STK32B: variants seen among roughly 807,000 people sequenced by gnomAD.
STK32B encodes the protein serine/threonine-protein kinase 32B.
STK32B carries 43 observed loss-of-function variants against 52.6 expected under a neutral mutation model. The observed-to-expected ratio is 0.82, with a 90% CI of 0.64 to 1.05. The LOEUF is 1.05. Ranked by LOEUF, STK32B falls within the 50% of genes least tolerant of loss-of-function variation. The pLI is 0.00. For missense variants in STK32B, 621 were observed against 534.6 expected (o/e 1.16, Z -1.59); for synonymous variants, 238 against 204.3 (o/e 1.17, Z -1.41).
chr4:5,463,982 G>A (rs930239234), intron 9 of STK32B, among the ~76,000 whole-genome samples: 5 of 152,160 alleles, frequency 3.3e-5, no homozygotes, highest in Non-Finnish European at 7.3e-5. Flanking sequence ...ACAGTCCTGC[G>A]GGCTGTACAG....
chr4:5,463,472 ACACACT>A (rs1023086873), intron 9 of STK32B, among the ~76,000 whole-genome samples: 2 of 129,502 alleles, frequency 1.5e-5, no homozygotes, highest in Non-Finnish European at 3.6e-5. Context: ...ATGCACACTC[ACACACT>A]CAGTCACACT....
At position 5,236,017 on chromosome 4, in the gene STK32B, G is replaced by A. The variant is rs182644642; in HGVS notation, c.260+67567G>A. ...CTTCAGGAAAACAAGGTCTGGCACA[G>A]CCAGAGCAGCCAGGAGGGGGTGGGT... On this transcript the variant is annotated intron_variant, in intron 3 of 11. Coordinates refer to ENST00000282908, the MANE Select transcript of STK32B (RefSeq NM_018401.3). Among the ~76,000 whole-genome samples the A allele has an allele frequency of 3.5e-3, 527 of 152,252 alleles. 4 individuals are homozygous for A. Among genetic ancestry groups the A allele is most frequent in the Middle Eastern group, 0.017 (5 of 294 alleles).
intron 5 of STK32B, among the ~76,000 whole-genome samples, chr4:5,406,662 C>A (rs1426154385): frequency 6.6e-6 from 1 of 152,166 alleles, no homozygotes. Flanking sequence ...CCCTTTGGAG[C>A]AGTGGCCTGA....
At chr4:5,192,939 C>T (rs774432180) in intron 3 of STK32B, among the ~76,000 whole-genome samples, 2 of 152,188 alleles carry the variant, frequency 1.3e-5, no homozygotes, top group Non-Finnish European at 2.9e-5. Flanking sequence ...TTTTTAGGAA[C>T]ACACATAGGT....
chr4:5,051,868 G>A lies in STK32B; in HGVS notation c.5G>A (p.Gly2Asp). 1 of 1,598,876 alleles carries A rather than the reference G, an allele frequency of 6.3e-7. No homozygotes were observed. Among genetic ancestry groups the A allele is most frequent in the Non-Finnish European group, 8.5e-7 (1 of 1,173,350 alleles). ...CAGCGGCAGCAACGGCGGAATATGGGCGGGAACCACTCCCACAAGCCCCCC... is the reference window on the plus strand; with the variant it reads ...CAGCGGCAGCAACGGCGGAATATGGACGGGAACCACTCCCACAAGCCCCCC... Reference protein sequence around the residue: MGGNHSHKPPVF... With the variant: MDGNHSHKPPVF... Residue 2 changes from glycine (G) to aspartate (D), a missense_variant, in exon 1 of 12, where the codon GGC becomes GAC. Gly to Asp is a moderately conservative substitution (Grantham distance 94). Transcript: ENST00000282908.
intron 3 of STK32B, among the ~76,000 whole-genome samples, chr4:5,324,464 A>T (rs1731742483): frequency 6.6e-6 from 1 of 152,198 alleles, no homozygotes; most frequent in Non-Finnish European, 1.5e-5. Flanking sequence ...CACCTGCCTC[A>T]GTTTCCGGGG....
At chr4:5,438,734 C>G (rs750497954) in intron 6 of STK32B, among the ~76,000 whole-genome samples, 1 of 152,188 alleles carries the variant, frequency 6.6e-6, no homozygotes, top group South Asian at 2.1e-4. Flanking sequence ...GTATATCTCC[C>G]GATGCTATCC....
At chr4:5,103,985 A>G (rs1412040187) in intron 1 of STK32B, among the ~76,000 whole-genome samples, 1 of 152,196 alleles carries the variant, frequency 6.6e-6, no homozygotes, top group Non-Finnish European at 1.5e-5. Context: ...AGTAGCATCT[A>G]TAATAAAAGA....
chr4:5,426,692 CAAAAAAAAAAA>C (rs746246839), intron 6 of STK32B, among the ~76,000 whole-genome samples: 6 of 78,032 alleles, frequency 7.7e-5, no homozygotes, highest in Admixed American at 7.5e-4. Flanking sequence ...TCCATCTAAA[CAAAAAAAAAAA>C]AAAAAAAAAA....
At chr4:5,385,268 G>A (rs752766213) in intron 4 of STK32B, among the ~76,000 whole-genome samples, 7 of 152,074 alleles carry the variant, frequency 4.6e-5, no homozygotes, top group Admixed American at 3.3e-4. Flanking sequence ...TGTGAATTCC[G>A]AGGGGACAGA....
chr4:5,122,868 C>T (rs1184002280), intron 1 of STK32B, among the ~76,000 whole-genome samples: 1 of 152,080 alleles, frequency 6.6e-6, no homozygotes, highest in Non-Finnish European at 1.5e-5. Flanking sequence ...GCTCTCTGTG[C>T]ACCCCTTCTC....
intron 11 of STK32B, among the ~76,000 whole-genome samples, chr4:5,472,920 A>T (rs1260797330): frequency 6.6e-6 from 1 of 152,052 alleles, no homozygotes; most frequent in Non-Finnish European, 1.5e-5. Context: ...GCCTTGCAGG[A>T]TACTTAAATA....
intron 5 of STK32B, among the ~76,000 whole-genome samples, chr4:5,412,680 A>T (rs145295646): frequency 4.2e-4 from 64 of 152,148 alleles, no homozygotes; most frequent in African/African-American, 1.5e-3. Context: ...GGTTAGTAAT[A>T]CCCTCCTCTC....
At chr4:5,219,895 G>A (rs528526328) in intron 3 of STK32B, among the ~76,000 whole-genome samples, 7 of 152,206 alleles carry the variant, frequency 4.6e-5, no homozygotes, top group Non-Finnish European at 8.8e-5. Flanking sequence ...GGTAGGGAGC[G>A]GACCCTCTGG....
chr4:5,281,882 C>CA lies in STK32B; in HGVS notation c.261-49335dup, dbSNP rs1442035305. 2.0e-5 allele frequency among the ~76,000 whole-genome samples: 3 copies of CA among 152,050 alleles called. No individual in the cohort carries two copies. The East Asian group carries it at 5.8e-4, about 29-fold the overall frequency. ...TATACCATTTATTTAATTACATTTA[C>CA]AAATCACAGATACATATGTTACATA... is the stretch of plus-strand genomic sequence containing the variant. On this transcript the variant is annotated intron_variant, in intron 3 of 11. Coordinates refer to ENST00000282908, the MANE Select transcript of STK32B (RefSeq NM_018401.3).
intron 6 of STK32B, among the ~76,000 whole-genome samples, chr4:5,418,151 C>T (rs562369347): frequency 6.6e-6 from 1 of 152,340 alleles, no homozygotes; most frequent in African/African-American, 2.4e-5. Context: ...ATGAAACAAC[C>T]CATCACTGTG....
intron 2 of STK32B, among the ~76,000 whole-genome samples, chr4:5,151,940 A>T (rs145638614): frequency 1.3e-5 from 2 of 152,112 alleles, no homozygotes; most frequent in Non-Finnish European, 2.9e-5. Context: ...GTGGTCCCCA[A>T]TTCACTTGAG....
Position 5,272,066 on chromosome 4 carries a change from C to T in STK32B, c.261-59154C>T, listed in dbSNP as rs1412215691. On this transcript the variant is annotated intron_variant, in intron 3 of 11. Transcript: ENST00000282908. ...GTTGAATAGGAGTGGTGAGAGAGGG[C>T]ATCCCTGTCTTGTGCCAGTTTTCAA... is the stretch of plus-strand genomic sequence containing the variant. 4.1e-5 allele frequency among the ~76,000 whole-genome samples: 6 copies of T among 147,738 alleles called. No individual in the cohort carries two copies. In the East Asian group the frequency reaches 8.1e-4, roughly 20 times the overall value.
intron 2 of STK32B, among the ~76,000 whole-genome samples, chr4:5,160,182 G>A (rs77229339): frequency 0.034 from 5,209 of 152,212 alleles, 148 homozygotes; most frequent in East Asian, 0.084. Context: ...ACAACCATGA[G>A]CCCGTTCCTG....
Sources: allele counts gnomAD v4.1 joint callset (sites outside exome capture counted in the v4.1 genomes callset), GRCh38; gene constraint gnomAD v4.1.1; transcripts MANE v1.5; gene names NCBI Gene and HGNC (gene_info 2026-07-23, HGNC 2026-07-21).